The following TNFSF4 variants were observed in gnomAD, a reference collection of about 807,000 sequenced individuals.
TNFSF4 encodes the protein tumor necrosis factor ligand superfamily member 4.
In TNFSF4, 4 loss-of-function variants were observed where a neutral mutation model predicts 7.3. The observed-to-expected ratio is 0.55, with a 90% CI of 0.27 to 1.25. The LOEUF (loss-of-function observed/expected upper bound fraction) is 1.25, where lower values mean the gene tolerates loss of function less well. Ranked by LOEUF, TNFSF4 falls within the 50% of genes most tolerant of loss-of-function variation. TNFSF4 has a pLI of 0.12. For missense variants in TNFSF4, 181 were observed against 208.8 expected (o/e 0.87, Z 0.82); for synonymous variants, 76 against 83.7 (o/e 0.91, Z 0.50).
chr1:173,338,210 A>C, the TNFSF4 span, among the ~76,000 whole-genome samples: 1 of 152,138 alleles, frequency 6.6e-6, no homozygotes, highest in African/African-American at 2.4e-5. Flanking sequence ...GATTACACTA[A>C]ATGGCTTCCA....
the TNFSF4 span, among the ~76,000 whole-genome samples, chr1:173,401,411 G>C: frequency 4.6e-5 from 7 of 152,190 alleles, no homozygotes; most frequent in Non-Finnish European, 8.8e-5. Context: ...TTGTGAGTGT[G>C]TCTGTCAAGG....
At chr1:173,380,889 T>A in the TNFSF4 span, among the ~76,000 whole-genome samples, 1 of 152,156 alleles carries the variant, frequency 6.6e-6, no homozygotes, top group Non-Finnish European at 1.5e-5. Flanking sequence ...GGTATATTCT[T>A]CTTATGTGGA....
At chr1:173,410,013 C>T in the TNFSF4 span, among the ~76,000 whole-genome samples, 5 of 152,078 alleles carry the variant, frequency 3.3e-5, no homozygotes, top group Non-Finnish European at 7.4e-5. Context: ...ACCTACAATC[C>T]CAGCAATTTG....
the TNFSF4 span, among the ~76,000 whole-genome samples, chr1:173,280,594 C>T: frequency 1.3e-5 from 2 of 152,060 alleles, no homozygotes; most frequent in African/African-American, 2.4e-5. Flanking sequence ...GTTTTTATTC[C>T]TTGGATAAGG....
chr1:173,342,389 G>T, the TNFSF4 span, among the ~76,000 whole-genome samples: 34 of 152,148 alleles, frequency 2.2e-4, 1 homozygote, highest in Middle Eastern at 0.01. Flanking sequence ...ATAATTTGAG[G>T]ATAACAAGGA....
intron 1 of TNFSF4, among the ~76,000 whole-genome samples, chr1:173,202,291 C>T (rs570180100): frequency 1.3e-5 from 2 of 152,078 alleles, no homozygotes; most frequent in African/African-American, 2.4e-5. Context: ...TGTGCATACA[C>T]GTGCAATATT....
chr1:173,265,479 G>A, the TNFSF4 span, among the ~76,000 whole-genome samples: 1 of 152,270 alleles, frequency 6.6e-6, no homozygotes, highest in Non-Finnish European at 1.5e-5. Flanking sequence ...TTTCTGATGG[G>A]CTATTTTATG....
At chr1:173,326,546 G>A in the TNFSF4 span, among the ~76,000 whole-genome samples, 1 of 152,094 alleles carries the variant, frequency 6.6e-6, no homozygotes, top group Non-Finnish European at 1.5e-5. Context: ...GAAATAAAGG[G>A]CATTCAATTA....
chr1:173,282,470 T>TC, the TNFSF4 span, among the ~76,000 whole-genome samples: 3,362 of 152,112 alleles, frequency 0.022, 58 homozygotes, highest in Non-Finnish European at 0.03. Flanking sequence ...AAATTTTTTT[T>TC]TTTTTTGAGA....
At chr1:173,299,382 GC>G in the TNFSF4 span, among the ~76,000 whole-genome samples, 1 of 151,826 alleles carries the variant, frequency 6.6e-6, no homozygotes, top group African/African-American at 2.4e-5. Flanking sequence ...CAGTTCCCTT[GC>G]CCCAAGGTGT....
chr1:173,344,358 C>T, the TNFSF4 span, among the ~76,000 whole-genome samples: 13 of 152,298 alleles, frequency 8.5e-5, no homozygotes, highest in South Asian at 4.1e-4. Context: ...CAACTCTGCA[C>T]CTGAATATAG....
At chr1:173,230,136 C>G in the TNFSF4 span, among the ~76,000 whole-genome samples, 1 of 152,174 alleles carries the variant, frequency 6.6e-6, no homozygotes, top group Non-Finnish European at 1.5e-5. Flanking sequence ...GCACATTCTT[C>G]TCAGCACCAC....
chr1:173,175,951 G>GT, the TNFSF4 span, among the ~76,000 whole-genome samples: 413 of 151,824 alleles, frequency 2.7e-3, 1 homozygote, highest in African/African-American at 9.2e-3. Flanking sequence ...GTTTTTTTGT[G>GT]TTTTTTTTCC....
At chr1:173,391,708 C>G in the TNFSF4 span, among the ~76,000 whole-genome samples, 1 of 152,148 alleles carries the variant, frequency 6.6e-6, no homozygotes, top group African/African-American at 2.4e-5. Flanking sequence ...GCCAGCTGGA[C>G]AGTCTAAACT....
the TNFSF4 span, among the ~76,000 whole-genome samples, chr1:173,338,050 G>A: frequency 2.1e-3 from 324 of 152,238 alleles, 1 homozygote; most frequent in African/African-American, 7.2e-3. Context: ...AGTTATGCAT[G>A]GACTCAACAA....
the TNFSF4 span, among the ~76,000 whole-genome samples, chr1:173,424,289 C>G: frequency 6.6e-6 from 1 of 152,202 alleles, no homozygotes; most frequent in Non-Finnish European, 1.5e-5. Flanking sequence ...ATGGGCAAGA[C>G]TCTATGGGAA....
At chr1:173,352,953 T>G in the TNFSF4 span, among the ~76,000 whole-genome samples, 3 of 152,202 alleles carry the variant, frequency 2.0e-5, no homozygotes, top group Non-Finnish European at 4.4e-5. Flanking sequence ...CAGTGATATT[T>G]CTCTTACCCA....
At chr1:173,246,708 C>G in the TNFSF4 span, among the ~76,000 whole-genome samples, 1 of 152,202 alleles carries the variant, frequency 6.6e-6, no homozygotes, top group African/African-American at 2.4e-5. Context: ...ATGTAAAGAT[C>G]TTTTTTTCCT....
At chr1:173,296,808 A>ACATG in the TNFSF4 span, among the ~76,000 whole-genome samples, 2 of 151,938 alleles carry the variant, frequency 1.3e-5, no homozygotes, top group Non-Finnish European at 2.9e-5. Flanking sequence ...ATTGTGCCTG[A>ACATG]CATGTTCTGG....
Sources: allele counts gnomAD v4.1 joint callset (sites outside exome capture counted in the v4.1 genomes callset), GRCh38; gene constraint gnomAD v4.1.1; transcripts MANE v1.5; gene names NCBI Gene and HGNC (gene_info 2026-07-23, HGNC 2026-07-21).